COL14A1: variants seen among roughly 807,000 people sequenced by gnomAD.
The protein encoded by COL14A1 is collagen alpha-1(XIV) chain.
In COL14A1, 136 loss-of-function variants were observed where a neutral mutation model predicts 230.3. That is an observed-to-expected ratio of 0.59 (90% CI 0.51 to 0.68). COL14A1 has a LOEUF of 0.68. Ranked by LOEUF, COL14A1 falls within the 30% of genes least tolerant of loss-of-function variation. COL14A1 has a pLI of 0.00. For missense variants in COL14A1, 1,976 were observed against 2,215.8 expected (o/e 0.89, Z 2.17); for synonymous variants, 792 against 784.1 (o/e 1.01, Z -0.17).
At chr8:120,301,176 T>G (rs563930282) in intron 36 of COL14A1, among the ~76,000 whole-genome samples, 1 of 152,258 alleles carries the variant, frequency 6.6e-6, no homozygotes, top group South Asian at 2.1e-4. Flanking sequence ...TGCATACATC[T>G]GCTTTGTCCA....
Position 120,310,038 on chromosome 8 carries a change from C to T in COL14A1, c.4431C>T (p.Gly1477=), listed in dbSNP as rs773701201. 2 of 1,613,454 alleles carry T rather than the reference C, an allele frequency of 1.2e-6. No homozygotes were observed. Among genetic ancestry groups the T allele is most frequent in the Non-Finnish European group, 1.7e-6 (2 of 1,179,568 alleles). The change falls in exon 37 of 48, where the codon GGC becomes GGT. Residue 1477 remains glycine, a synonymous_variant. Coordinates refer to ENST00000297848, the MANE Select transcript of COL14A1 (RefSeq NM_021110.4). ...GTCCAGGACTCCGAGGACCAAAGGG[C>T]CAGCAAGGTGAACCGGGTCCAAAGG... The part of the protein sequence containing the change: ...PGGPGLRGPK[G]QQGEPGPKGP...
At chr8:120,325,854 G>C (rs771762685) in intron 40 of COL14A1, among the ~76,000 whole-genome samples, 4 of 151,988 alleles carry the variant, frequency 2.6e-5, no homozygotes, top group Non-Finnish European at 5.9e-5. Flanking sequence ...TTAGCTCCTT[G>C]GTGTAAAATG....
At chr8:120,359,752 G>A (rs145128670) in intron 45 of COL14A1, among the ~76,000 whole-genome samples, 2,204 of 152,198 alleles carry the variant, frequency 0.014, 49 homozygotes, top group African/African-American at 0.049. Flanking sequence ...CAAAAAGCCC[G>A]GATTCCTGAT....
intron 22 of COL14A1, among the ~76,000 whole-genome samples, chr8:120,252,541 A>G (rs144954088): frequency 2.6e-5 from 4 of 152,108 alleles, no homozygotes; most frequent in Non-Finnish European, 5.9e-5. Flanking sequence ...TGTCAAAAGA[A>G]TAAGCCTCAA....
Position 120,168,230 on chromosome 8 carries a change from G to C in COL14A1, c.419G>C (p.Arg140Thr). The change falls in exon 5 of 48, where the codon AGA becomes ACA. Residue 140 changes from arginine to threonine, a missense_variant. Arg to Thr is a moderately conservative substitution (Grantham distance 71). Coordinates refer to ENST00000297848, the MANE Select transcript of COL14A1 (RefSeq NM_021110.4). ...VKVVDRGNGS[R>T]PSSPEEVKFV... ...GTTGTGGACAGAGGAAATGGGAGTA[G>C]ACCATCTTCACCAGAAGGTCAGAGA... The C allele has an allele frequency of 6.2e-7, 1 of 1,611,008 alleles. No homozygotes were observed. Among genetic ancestry groups the C allele is most frequent in the Non-Finnish European group, 8.5e-7 (1 of 1,178,290 alleles).
chr8:120,193,211 C>T (rs1020625204), intron 5 of COL14A1, among the ~76,000 whole-genome samples: 4 of 152,090 alleles, frequency 2.6e-5, no homozygotes, highest in South Asian at 2.1e-4. Context: ...TGGTGATGTA[C>T]GGATAGGTTT....
chr8:120,303,623 C>T (rs1820780215), intron 36 of COL14A1, among the ~76,000 whole-genome samples: 1 of 152,136 alleles, frequency 6.6e-6, no homozygotes. Context: ...TGATGTGCTG[C>T]TGGATTCAGT....
chr8:120,302,781 T>C (rs766996129), intron 36 of COL14A1, among the ~76,000 whole-genome samples: 13 of 152,166 alleles, frequency 8.5e-5, no homozygotes, highest in Non-Finnish European at 1.5e-4. Context: ...GTAAAGAATG[T>C]TATTGGTAGT....
At chr8:120,222,503 G>GACTTCATATCCTAGT (rs1375903381) in intron 14 of COL14A1, among the ~76,000 whole-genome samples, 3 of 152,106 alleles carry the variant, frequency 2.0e-5, no homozygotes, top group Admixed American at 6.5e-5. Flanking sequence ...ATATCCATGT[G>GACTTCATATCCTAGT]TGACCCCTCA....
intron 45 of COL14A1, among the ~76,000 whole-genome samples, chr8:120,359,186 C>T (rs981311697): frequency 5.3e-5 from 8 of 152,038 alleles, no homozygotes; most frequent in Non-Finnish European, 1.2e-4. Context: ...TTTTAATCCC[C>T]GCATGCATTA....
intron 14 of COL14A1, among the ~76,000 whole-genome samples, chr8:120,218,153 A>G (rs1281410357): frequency 7.4e-6 from 1 of 136,032 alleles, no homozygotes; most frequent in Non-Finnish European, 1.5e-5. Flanking sequence ...AAATATAAAT[A>G]AATATATAAA....
chr8:120,202,989 AATATATATATATATATATAT>A (rs201356550), intron 8 of COL14A1, among the ~76,000 whole-genome samples: 2 of 106,554 alleles, frequency 1.9e-5, no homozygotes, highest in Non-Finnish European at 4.0e-5. Context: ...AATAATTTCA[AATATATATATATATATATAT>A]ATATATATAT....
At chr8:120,365,584 G>T (rs1823382619) in intron 45 of COL14A1, among the ~76,000 whole-genome samples, 1 of 152,182 alleles carries the variant, frequency 6.6e-6, no homozygotes, top group Non-Finnish European at 1.5e-5. Flanking sequence ...CCACAGCACG[G>T]TTTTCTGTCT....
Position 120,280,969 on chromosome 8 carries a change from C to T in COL14A1, c.3734C>T (p.Ser1245Leu). ...GGTTTGGTTGAAAAAGATTTTTCAT[C>T]AGTGGAAGGGGTTTCTATGGAGCCT... ...MFGLVEKDFS[S>L]VEGVSMEPGT... is the part of the protein sequence containing the mutation. Residue 1245 changes from serine to leucine, a missense_variant, in exon 31 of 48, where the codon TCA becomes TTA. Around this residue, in one of 3 missense-constraint regions of COL14A1, gnomAD observed 1,791 missense variants for 2,019.5 expected, o/e 0.89. Transcript: ENST00000297848. 6.2e-7 allele frequency: 1 copy of T among 1,607,262 alleles called. No individual in the cohort carries two copies. Among genetic ancestry groups the T allele is most frequent in the Non-Finnish European group, 8.5e-7 (1 of 1,177,082 alleles).
At chr8:120,258,101 A>G (rs954706951) in intron 23 of COL14A1, among the ~76,000 whole-genome samples, 1 of 152,330 alleles carries the variant, frequency 6.6e-6, no homozygotes, top group East Asian at 1.9e-4. Context: ...ACAGAAATCT[A>G]GATAAACTTA....
intron 45 of COL14A1, among the ~76,000 whole-genome samples, chr8:120,366,560 T>G (rs1823412118): frequency 6.6e-6 from 1 of 152,212 alleles, no homozygotes. Context: ...TTCTTTGTTG[T>G]TTGCCTGTGA....
chr8:120,176,207 G>T (rs535606305), intron 5 of COL14A1, among the ~76,000 whole-genome samples: 36 of 152,300 alleles, frequency 2.4e-4, no homozygotes, highest in African/African-American at 7.2e-4. Context: ...TGAATACATA[G>T]AAGAGCTGGT....
At chr8:120,214,961 C>A (rs1817707278) in intron 13 of COL14A1, among the ~76,000 whole-genome samples, 1 of 152,154 alleles carries the variant, frequency 6.6e-6, no homozygotes, top group South Asian at 2.1e-4. Context: ...AGTGCAGTGG[C>A]CTATGAATGA....
chr8:120,194,206 G>A (rs1314993224), intron 5 of COL14A1, among the ~76,000 whole-genome samples: 2 of 152,128 alleles, frequency 1.3e-5, no homozygotes, highest in Non-Finnish European at 2.9e-5. Context: ...CCAGTCCTAT[G>A]AGTCTTAATT....
Sources: gnomAD v4.1 joint callset for allele counts (sites outside exome capture counted in the v4.1 genomes callset) on GRCh38, gnomAD v4.1.1 for gene constraint, gnomAD v4.1.1 regional missense constraint, MANE v1.5 for transcripts, NCBI Gene and HGNC (gene_info 2026-07-23, HGNC 2026-07-21) for gene names.